The following NCOA7 variants were observed in gnomAD, a reference collection of about 807,000 sequenced individuals.
The protein encoded by NCOA7 is 140 kDa estrogen receptor-associated protein.
In NCOA7, 45 loss-of-function variants were observed where a neutral mutation model predicts 104.3. The observed-to-expected ratio is 0.43, with a 90% CI of 0.34 to 0.55. The LOEUF is 0.55. NCOA7 is among the 20% of genes least tolerant of loss of function. The pLI, the probability that NCOA7 is intolerant of heterozygous loss-of-function variation, is 0.02. For missense variants in NCOA7, 1,041 were observed against 1,119.7 expected (o/e 0.93, Z 1.00); for synonymous variants, 398 against 402.3 (o/e 0.99, Z 0.13).
intron 10 of NCOA7, among the ~76,000 whole-genome samples, chr6:125,893,138 T>C (rs1381239257): frequency 6.6e-6 from 1 of 152,228 alleles, no homozygotes; most frequent in Non-Finnish European, 1.5e-5. Flanking sequence ...TCAGTTATAA[T>C]TTCTGGATTC....
At chr6:125,841,756 C>G (rs904072720) in intron 2 of NCOA7, among the ~76,000 whole-genome samples, 1 of 152,016 alleles carries the variant, frequency 6.6e-6, no homozygotes, top group Non-Finnish European at 1.5e-5. Context: ...TGTTTTTGAG[C>G]AACATCACTT....
intron 4 of NCOA7, among the ~76,000 whole-genome samples, chr6:125,876,154 C>A (rs1453628292): frequency 4.6e-5 from 7 of 152,250 alleles, no homozygotes; most frequent in Non-Finnish European, 7.4e-5. Context: ...CAATGCCAGA[C>A]CCTATATAAG....
At chr6:125,877,436 C>T (rs1783475851) in intron 4 of NCOA7, among the ~76,000 whole-genome samples, 1 of 152,200 alleles carries the variant, frequency 6.6e-6, no homozygotes, top group African/African-American at 2.4e-5. Flanking sequence ...TGACATTCAT[C>T]AGAGTGACCT....
chr6:125,902,260 G>A (rs141832023), intron 10 of NCOA7, among the ~76,000 whole-genome samples: 6 of 152,284 alleles, frequency 3.9e-5, no homozygotes, highest in Admixed American at 1.3e-4. Flanking sequence ...ATGTAGAAGA[G>A]ACTTTCTAAA....
Position 125,890,636 on chromosome 6 carries a change from A to T in NCOA7, c.1928-6A>T, listed in dbSNP as rs1270492384. The T allele has an allele frequency of 5.0e-6, 8 of 1,601,332 alleles. No homozygotes were observed. Among genetic ancestry groups the T allele is most frequent in the Admixed American group, 3.5e-5 (2 of 56,502 alleles). On this transcript the variant is annotated splice_region_variant and splice_polypyrimidine_tract_variant and intron_variant, in intron 9 of 15. Coordinates refer to ENST00000392477, the MANE Select transcript of NCOA7 (RefSeq NM_181782.5). ...TTGAGGAACAGTTTTTTCGTGTGTG[A>T]TTCAGATATACTTCCTTCAAAAGAA...
intron 1 of NCOA7, among the ~76,000 whole-genome samples, chr6:125,796,439 G>A (rs1487431260): frequency 6.8e-6 from 1 of 146,696 alleles, no homozygotes; most frequent in African/African-American, 2.5e-5. Context: ...ATCTAAGGAT[G>A]CTCAGGTTTC....
intron 3 of NCOA7, among the ~76,000 whole-genome samples, chr6:125,859,067 A>G (rs1781833271): frequency 6.6e-6 from 1 of 152,280 alleles, no homozygotes; most frequent in African/African-American, 2.4e-5. Context: ...GTCAAGGGAA[A>G]AGGAAATTCT....
rs189063438 is a variant in NCOA7 at position 125,803,256 on chromosome 6, C to T, written c.-64-12035C>T. 3.6e-4 allele frequency among the ~76,000 whole-genome samples: 55 copies of T among 152,302 alleles called. 1 individual carries two copies. The highest frequency in any genetic ancestry group is 1.3e-3 in the African/African-American group (53 of 41,568). ...GTGACCCAGCCATTTTCTTACTTCC[C>T]ATTAGCACTTCCTCTGTGTGTCATA... On this transcript the variant is annotated intron_variant, in intron 1 of 15. Coordinates refer to ENST00000392477, the MANE Select transcript of NCOA7 (RefSeq NM_181782.5).
chr6:125,827,187 T>TC (rs1448623858), intron 2 of NCOA7, among the ~76,000 whole-genome samples: 7 of 31,346 alleles, frequency 2.2e-4, no homozygotes, highest in Non-Finnish European at 3.9e-4. Context: ...AAACTCCATC[T>TC]CAAAAAAAAA....
At chr6:125,821,321 G>A (rs1778156099) in intron 2 of NCOA7, among the ~76,000 whole-genome samples, 1 of 152,062 alleles carries the variant, frequency 6.6e-6, no homozygotes, top group South Asian at 2.1e-4. Flanking sequence ...TACTCAAAGG[G>A]GTTGAATAAC....
intron 7 of NCOA7, among the ~76,000 whole-genome samples, chr6:125,883,855 G>A (rs1277114519): frequency 2.0e-5 from 3 of 151,934 alleles, no homozygotes; most frequent in Non-Finnish European, 4.4e-5. Flanking sequence ...GAGTAGCTGG[G>A]ACTACAGGTG....
intron 10 of NCOA7, among the ~76,000 whole-genome samples, chr6:125,903,497 G>T (rs905109910): frequency 1.3e-5 from 2 of 152,112 alleles, no homozygotes; most frequent in African/African-American, 2.4e-5. Flanking sequence ...GCCTCCCTGT[G>T]CCTGTGGTTT....
rs186717898 is a variant in NCOA7 at position 125,834,412 on chromosome 6, G to C, written c.50+19008G>C. ...TCTAGATTCATTTATTTACTTAGTT[G>C]TTTATTGTTATAGACATTTAGGGAT... On this transcript the variant is annotated intron_variant, in intron 2 of 15. Transcript: ENST00000392477. Among the ~76,000 whole-genome samples the C allele has an allele frequency of 8.3e-4, 126 of 152,192 alleles. 2 individuals carry two copies. Among genetic ancestry groups the C allele is most frequent in the African/African-American group, 2.9e-3 (121 of 41,534 alleles).
intron 1 of NCOA7, among the ~76,000 whole-genome samples, chr6:125,783,751 T>A (rs1309444435): frequency 6.6e-6 from 1 of 152,224 alleles, no homozygotes; most frequent in African/African-American, 2.4e-5. Context: ...AGAATTAACA[T>A]CTTCATGCAT....
At chr6:125,896,082 C>T (rs1447163531) in intron 10 of NCOA7, among the ~76,000 whole-genome samples, 1 of 148,514 alleles carries the variant, frequency 6.7e-6, no homozygotes, top group Non-Finnish European at 1.5e-5. Context: ...ATATATAATG[C>T]AGTTAGCACA....
intron 1 of NCOA7, among the ~76,000 whole-genome samples, chr6:125,814,922 T>C (rs923319100): frequency 6.6e-6 from 1 of 152,254 alleles, no homozygotes; most frequent in Non-Finnish European, 1.5e-5. Flanking sequence ...ATATGCCTTA[T>C]TAATTGCTTG....
At chr6:125,892,396 G>T (rs996889144) in intron 10 of NCOA7, among the ~76,000 whole-genome samples, 4 of 152,076 alleles carry the variant, frequency 2.6e-5, no homozygotes, top group Admixed American at 2.0e-4. Flanking sequence ...ACTTCAAGTG[G>T]TTTTTGTGAG....
At chr6:125,807,358 T>C (rs145310535) in intron 1 of NCOA7, among the ~76,000 whole-genome samples, 1 of 152,326 alleles carries the variant, frequency 6.6e-6, no homozygotes, top group East Asian at 1.9e-4. Flanking sequence ...ATAATCTTGA[T>C]GTAGTCTAAT....
At chr6:125,888,446 G>T (rs1784405184) in intron 8 of NCOA7, among the ~76,000 whole-genome samples, 1 of 152,136 alleles carries the variant, frequency 6.6e-6, no homozygotes, top group African/African-American at 2.4e-5. Context: ...ACTTTATATG[G>T]AGCAGTTAAG....
Sources: gnomAD v4.1 joint callset for allele counts (sites outside exome capture counted in the v4.1 genomes callset) on GRCh38, gnomAD v4.1.1 for gene constraint, MANE v1.5 for transcripts, NCBI Gene and HGNC (gene_info 2026-07-23, HGNC 2026-07-21) for gene names.